Variants in SNX29 observed in about 807,000 individuals in gnomAD.
The protein encoded by SNX29 is sorting nexin-29.
In SNX29, 78 loss-of-function variants were observed where a neutral mutation model predicts 102.1. The observed-to-expected ratio is 0.76, with a 90% confidence interval of 0.64 to 0.92. SNX29 has a LOEUF of 0.92. Ranked by LOEUF, SNX29 falls within the 40% of genes least tolerant of loss-of-function variation. The pLI is 0.00. For synonymous variants in SNX29, 580 were observed against 414.5 expected, an observed-to-expected ratio of 1.40 and a Z score of -4.85; for missense variants, 1,280 against 1,061.7, an observed-to-expected ratio of 1.21 and a Z score of -2.86.
rs759995260 is a variant in SNX29 at position 12,572,862 on chromosome 16, G to A, written c.*4233G>A. On this transcript the variant is annotated 3_prime_UTR_variant, in exon 21 of 21. Transcript: ENST00000566228. ...CTCATGCCCAGGTTTCAGCCCTAAAGGTAATGATTGTCTTGACTCTGCCTT... is the reference window on the plus strand; with the variant it reads ...CTCATGCCCAGGTTTCAGCCCTAAAAGTAATGATTGTCTTGACTCTGCCTT... 5.6e-6 allele frequency: 6 copies of A among 1,063,498 alleles called. No homozygotes were observed. The highest frequency in any genetic ancestry group is 6.8e-6 in the Non-Finnish European group (6 of 877,966). The allele number at this position is 1,063,498 out of a possible 1,614,324, so 65.9% of individuals were successfully genotyped here.
intron 3 of SNX29, among the ~76,000 whole-genome samples, chr16:12,007,479 T>A (rs2056494608): frequency 1.3e-5 from 2 of 152,148 alleles, no homozygotes; most frequent in Admixed American, 6.5e-5. Context: ...CAATGCAGCC[T>A]GAGTGAGAGA....
chr16:12,534,550 G>A (rs551949694), intron 20 of SNX29, among the ~76,000 whole-genome samples: 80 of 152,324 alleles, frequency 5.3e-4, no homozygotes, highest in African/African-American at 1.7e-3. Context: ...TCAGTTCAGG[G>A]AAATTGGTCA....
intron 15 of SNX29, among the ~76,000 whole-genome samples, chr16:12,314,135 A>G (rs2080654824): frequency 6.6e-6 from 1 of 152,196 alleles, no homozygotes; most frequent in Non-Finnish European, 1.5e-5. Flanking sequence ...TCACAGGTGC[A>G]TGCCACCAGC....
intron 18 of SNX29, chr16:12,443,055 C>T (rs901225378): frequency 4.4e-6 from 2 of 455,782 alleles, no homozygotes; most frequent in African/African-American, 4.0e-5. Flanking sequence ...GCCAGCAGGC[C>T]AGGCGTCCAG....
chr16:12,510,746 C>G (rs1024159234), intron 19 of SNX29, among the ~76,000 whole-genome samples: 9 of 152,028 alleles, frequency 5.9e-5, no homozygotes, highest in African/African-American at 1.9e-4. Flanking sequence ...CCCCAGCTGT[C>G]CAGCCTGCAG....
At chr16:12,409,261 TTC>T (rs1267923544) in intron 18 of SNX29, among the ~76,000 whole-genome samples, 3 of 152,198 alleles carry the variant, frequency 2.0e-5, no homozygotes, top group Admixed American at 2.0e-4. Flanking sequence ...TGCTGGGTTT[TTC>T]TCTTTCTCTT....
chr16:12,063,916 A>G (rs1363329150), intron 9 of SNX29, among the ~76,000 whole-genome samples: 1 of 151,980 alleles, frequency 6.6e-6, no homozygotes, highest in African/African-American at 2.4e-5. Flanking sequence ...GACCTTGCTG[A>G]TGCCTGTTCA....
rs932521203 is a variant in SNX29, at chr16:12,392,382, C to T, written c.1900-6064C>T. On this transcript the variant is annotated intron_variant, in intron 16 of 20. Transcript: ENST00000566228. ...CTTGGAAAGAAAGTAGATGTCCATTCTTAGTGAAGTAGTAAGTTCGATCAT... is the reference window on the plus strand; with the variant it reads ...CTTGGAAAGAAAGTAGATGTCCATTTTTAGTGAAGTAGTAAGTTCGATCAT... Among the ~76,000 whole-genome samples, 11 of 152,174 alleles carry T rather than the reference C, an allele frequency of 7.2e-5. 1 individual carries two copies. The highest frequency in any genetic ancestry group is 1.5e-4 in the Non-Finnish European group (10 of 68,036).
chr16:12,088,280 G>C (rs985754646), intron 11 of SNX29: 10 of 366,042 alleles, frequency 2.7e-5, no homozygotes, highest in African/African-American at 1.9e-4. Context: ...GGTCAGAGCA[G>C]GGGCGGGTGT....
intron 20 of SNX29, among the ~76,000 whole-genome samples, chr16:12,539,338 C>T (rs1393892991): frequency 6.6e-6 from 1 of 151,866 alleles, no homozygotes. Flanking sequence ...TCAAGAATGT[C>T]ACATAAATGG....
chr16:12,302,249 T>A (rs1469128653), intron 15 of SNX29, among the ~76,000 whole-genome samples: 1 of 152,226 alleles, frequency 6.6e-6, no homozygotes. Flanking sequence ...GTGGCCACGT[T>A]CCGTCAAACT....
chr16:12,326,968 A>G (rs968729215), intron 15 of SNX29, among the ~76,000 whole-genome samples: 3 of 152,128 alleles, frequency 2.0e-5, no homozygotes, highest in Non-Finnish European at 4.4e-5. Flanking sequence ...GGAGAGAAAC[A>G]CTGAAGGCTT....
intron 19 of SNX29, among the ~76,000 whole-genome samples, chr16:12,504,354 T>G (rs1371537505): frequency 2.0e-5 from 3 of 152,020 alleles, no homozygotes; most frequent in African/African-American, 7.3e-5. Context: ...TTTTAGAATG[T>G]TTTCATCACC....
At chr16:12,549,659 G>T (rs769478092) in intron 20 of SNX29, among the ~76,000 whole-genome samples, 2 of 152,222 alleles carry the variant, frequency 1.3e-5, no homozygotes, top group East Asian at 3.9e-4. Flanking sequence ...AAACCAGCTT[G>T]AGGCAGTCCC....
At chr16:12,301,432 C>T (rs1164606334) in intron 15 of SNX29, among the ~76,000 whole-genome samples, 1 of 152,206 alleles carries the variant, frequency 6.6e-6, no homozygotes, top group African/African-American at 2.4e-5. Flanking sequence ...CCTATACTCC[C>T]TCTCCCCCAA....
intron 13 of SNX29, among the ~76,000 whole-genome samples, chr16:12,185,858 GTCAGATGC>G (rs1258159548): frequency 6.6e-6 from 1 of 152,196 alleles, no homozygotes; most frequent in Admixed American, 6.5e-5. Flanking sequence ...CTCATTTGAG[GTCAGATGC>G]TCAGATGCAA....
chr16:12,322,458 T>C (rs996200968), intron 15 of SNX29, among the ~76,000 whole-genome samples: 7 of 152,224 alleles, frequency 4.6e-5, no homozygotes, highest in African/African-American at 1.7e-4. Flanking sequence ...TGATCACATA[T>C]CCAATTGTTA....
intron 18 of SNX29, among the ~76,000 whole-genome samples, chr16:12,455,755 T>A (rs1169514832): frequency 6.6e-6 from 1 of 152,198 alleles, no homozygotes; most frequent in Non-Finnish European, 1.5e-5. Context: ...GCGTCCATCC[T>A]TTGCTCACTG....
rs1165658532 is a variant in SNX29 at position 12,142,310 on chromosome 16, C to A, written c.1595+12552C>A. On this transcript the variant is annotated intron_variant, in intron 13 of 20. Coordinates refer to ENST00000566228, the MANE Select transcript of SNX29 (RefSeq NM_032167.5). ...CGCTGGCTTTTTCCCTTGGCTGAGT[C>A]TCCTGAGCTGAGTGAGTTGTGCCCT... Among the ~76,000 whole-genome samples the A allele has an allele frequency of 4.6e-5, 7 of 152,140 alleles. No homozygotes were observed. The East Asian group carries it at 1.3e-3, about 29-fold the overall frequency.
Sources: allele counts gnomAD v4.1 joint callset (sites outside exome capture counted in the v4.1 genomes callset), GRCh38; gene constraint gnomAD v4.1.1; transcripts MANE v1.5; gene names NCBI Gene and HGNC (gene_info 2026-07-23, HGNC 2026-07-21).